TCP11L2: variants seen among roughly 807,000 people sequenced by gnomAD.
TCP11L2 encodes t-complex 11 like 2, also known as T-complex protein 11-like protein 2.
TCP11L2 carries 39 observed loss-of-function variants against 50.7 expected under a neutral mutation model. That is an observed-to-expected ratio of 0.77 (90% CI 0.60 to 1.01). The LOEUF is 1.01. TCP11L2 is among the 50% of genes least tolerant of loss of function. TCP11L2 has a pLI of 0.00. For synonymous variants in TCP11L2, 192 were observed against 219.3 expected (o/e 0.88, Z 1.10); for missense variants, 612 against 614.7 (o/e 1.00, Z 0.05).
intron 6 of TCP11L2, 66 bp downstream of exon 6, chr12:106,323,712 T>A (rs898638491): frequency 8.7e-6 from 4 of 458,232 alleles, no homozygotes; most frequent in African/African-American, 6.3e-5. Context: ...AATGTTAAAA[T>A]TTAAATTAAA....
At chr12:106,343,738 T>C (rs1458453327) in intron 9 of TCP11L2, among the ~76,000 whole-genome samples, 1 of 151,598 alleles carries the variant, frequency 6.6e-6, no homozygotes, top group Non-Finnish European at 1.5e-5. Flanking sequence ...CACTGCAACC[T>C]CTGCCTCCTG....
At chr12:106,334,806 T>G (rs1189893536) in intron 6 of TCP11L2, among the ~76,000 whole-genome samples, 1 of 152,040 alleles carries the variant, frequency 6.6e-6, no homozygotes, top group Non-Finnish European at 1.5e-5. Context: ...CTGGGTGTGG[T>G]GGTGCACGCC....
chr12:106,315,087 T>C (rs1172713837), intron 3 of TCP11L2, among the ~76,000 whole-genome samples: 6 of 151,528 alleles, frequency 4.0e-5, no homozygotes, highest in Non-Finnish European at 8.8e-5. Context: ...ACACAAAAAT[T>C]AGCCGGCCAT....
At chr12:106,319,894 T>C (rs2035273550) in intron 4 of TCP11L2, among the ~76,000 whole-genome samples, 1 of 152,262 alleles carries the variant, frequency 6.6e-6, no homozygotes, top group Non-Finnish European at 1.5e-5. Context: ...AATAGGCTGC[T>C]TGTATATAAT....
chr12:106,298,371 G>A (rs1031098656), upstream of TCP11L2, among the ~76,000 whole-genome samples: 7 of 151,948 alleles, frequency 4.6e-5, no homozygotes, highest in Non-Finnish European at 1.0e-4. Context: ...TTCTCTAGTT[G>A]GTGTATTAGC....
upstream of TCP11L2, among the ~76,000 whole-genome samples, chr12:106,301,164 A>G (rs2034403962): frequency 6.6e-6 from 1 of 152,158 alleles, no homozygotes; most frequent in Admixed American, 6.5e-5. Flanking sequence ...CACAAATAAG[A>G]GCATGTTTGT....
chr12:106,303,593 A>C (rs542955855), intron 1 of TCP11L2: 1 of 152,308 alleles, frequency 6.6e-6, no homozygotes, highest in African/African-American at 2.4e-5. Context: ...CGAACGCTGA[A>C]CCCTCAGGTG....
At chr12:106,337,818 T>G (rs1353903838) in intron 8 of TCP11L2, among the ~76,000 whole-genome samples, 1 of 152,240 alleles carries the variant, frequency 6.6e-6, no homozygotes, top group Non-Finnish European at 1.5e-5. Context: ...ATGTACTCAA[T>G]GAATGCTAGC....
At chr12:106,327,184 CTT>C (rs930876194) in intron 6 of TCP11L2, among the ~76,000 whole-genome samples, 1 of 151,512 alleles carries the variant, frequency 6.6e-6, no homozygotes, top group African/African-American at 2.4e-5. Flanking sequence ...TTCTTTCCTT[CTT>C]TTTTTTCCCC....
rs372269209 is a variant in TCP11L2 at position 106,338,912 on chromosome 12, A to G, written c.1143-1914A>G. ...TCCCAGCATTCTAGGAGGCCGAGGC[A>G]GCCAGATCACTTGAGGTCAGGAGTT... On this transcript the variant is annotated intron_variant, in intron 8 of 9. Coordinates refer to ENST00000299045, the MANE Select transcript of TCP11L2 (RefSeq NM_152772.3). 3.3e-5 allele frequency among the ~76,000 whole-genome samples: 5 copies of G among 152,328 alleles called. No homozygotes were observed. The South Asian group carries it at 8.3e-4, about 25-fold the overall frequency.
In TCP11L2 at chr12:106,322,693, TGGAAA is replaced by T. The variant is rs559835618; in HGVS notation, c.636-814_636-810del. Among the ~76,000 whole-genome samples the T allele has an allele frequency of 3.4e-3, 518 of 152,306 alleles. 2 individuals are homozygous for T. Among genetic ancestry groups the T allele is most frequent in the African/African-American group, 0.012 (490 of 41,566 alleles). On this transcript the variant is annotated intron_variant, in intron 5 of 9. Coordinates refer to ENST00000299045, the MANE Select transcript of TCP11L2 (RefSeq NM_152772.3). The stretch of plus-strand genomic sequence containing the variant: ...AGAATTGAGTTTTATGTAAATGTTT[TGGAAA>T]GGTAGGAGAAAGACTGGTCTGCATG...
chr12:106,329,756 C>T, intron 6 of TCP11L2: 3 of 1,010,562 alleles, frequency 3.0e-6, no homozygotes, highest in Non-Finnish European at 3.5e-6. Flanking sequence ...TTATTACTGC[C>T]ACATTGTAAT....
upstream of TCP11L2, among the ~76,000 whole-genome samples, chr12:106,298,531 A>T (rs1277305448): frequency 1.3e-5 from 2 of 151,876 alleles, no homozygotes; most frequent in Admixed American, 6.6e-5. Flanking sequence ...TTAGTTTAAA[A>T]TTTTTTTTGA....
At chr12:106,329,826 T>G in intron 6 of TCP11L2, 4 of 987,108 alleles carry the variant, frequency 4.1e-6, no homozygotes, top group Non-Finnish European at 3.6e-6. Context: ...AATGAAAGAC[T>G]GCAAGTCTTT....
rs374856695 is a variant in TCP11L2 at position 106,344,721 on chromosome 12, G to A, written c.1316-1565G>A. On this transcript the variant is annotated intron_variant, in intron 9 of 9. Transcript: ENST00000299045. ...ATTTTCCTTAGTAAACCTTCTTATT[G>A]GTGAGGTTTCTGTTCCCAAAGCCAG... Among the ~76,000 whole-genome samples the A allele has an allele frequency of 5.3e-5, 8 of 152,252 alleles. No individual in the cohort carries two copies. The East Asian group carries it at 7.7e-4, about 15-fold the overall frequency.
chr12:106,343,621 A>G (rs374019917), intron 9 of TCP11L2, among the ~76,000 whole-genome samples: 34 of 151,724 alleles, frequency 2.2e-4, no homozygotes, highest in Middle Eastern at 3.4e-3. Context: ...AAAATTATGG[A>G]TTACCTGCTG....
At chr12:106,332,713 G>A (rs999169534) in intron 6 of TCP11L2, among the ~76,000 whole-genome samples, 1 of 151,286 alleles carries the variant, frequency 6.6e-6, no homozygotes, top group Admixed American at 6.6e-5. Flanking sequence ...ATTTCTCAGT[G>A]TGTGCAGATG....
intron 2 of TCP11L2, among the ~76,000 whole-genome samples, chr12:106,313,381 G>A (rs2034932332): frequency 6.6e-6 from 1 of 152,048 alleles, no homozygotes; most frequent in Admixed American, 6.5e-5. Context: ...AGGAGTTCGA[G>A]ACCAGCCTGG....
intron 6 of TCP11L2, chr12:106,329,402 A>G: frequency 1.3e-6 from 2 of 1,536,044 alleles, no homozygotes. Flanking sequence ...TCACCGTGCC[A>G]GCCTGTGAGA....
Sources: allele counts gnomAD v4.1 joint callset (sites outside exome capture counted in the v4.1 genomes callset), GRCh38; gene constraint gnomAD v4.1.1; transcripts MANE v1.5; gene names NCBI Gene and HGNC (gene_info 2026-07-23, HGNC 2026-07-21).